LRRC38: variants seen among roughly 807,000 people sequenced by gnomAD.
LRRC38 encodes leucine rich repeat containing 38.
A neutral mutation model predicts 16.4 loss-of-function variants in LRRC38; 5 were observed. The observed-to-expected ratio is 0.31, with a 90% CI of 0.16 to 0.64. The LOEUF is 0.64. LRRC38 is among the 30% of genes least tolerant of loss of function. The pLI is 0.80. For synonymous variants in LRRC38, 191 were observed against 190.2 expected, an observed-to-expected ratio of 1.00 and a Z score of -0.04; for missense variants, 341 against 401.8, an observed-to-expected ratio of 0.85 and a Z score of 1.29.
At position 13,488,032 on chromosome 1, in the gene LRRC38, TTGTGTG is replaced by T. The variant is rs71570140; in HGVS notation, c.632-11939_632-11934del. On this transcript the variant is annotated intron_variant, in intron 1 of 1. Transcript: ENST00000376085. Reference sequence around the variant, plus strand: ...TATACCTTTTCTAGATTGTGTGTGTTTGTGTGTGTGTGTGTGTGTGTGTGTGTGTGT... The same window carrying T: ...TATACCTTTTCTAGATTGTGTGTGTTTGTGTGTGTGTGTGTGTGTGTGTGT... Among the ~76,000 whole-genome samples the T allele has an allele frequency of 3.1e-3, 459 of 147,194 alleles. 5 individuals are homozygous for T. Among genetic ancestry groups the T allele is most frequent in the East Asian group, 0.018 (88 of 4,952 alleles).
chr1:13,513,448 C>T lies in LRRC38; in HGVS notation c.146G>A (p.Ser49Asn). ...TVDCRDRGLP[S>N]VPDPFPLDVR... is the part of the protein sequence containing the mutation. ...GTCCAGGGGGAAAGGGTCTGGCACG[C>T]TGGGCAGCCCGCGGTCGCGGCAGTC... is the stretch of plus-strand genomic sequence containing the variant. Residue 49 changes from serine to asparagine, a missense_variant, in exon 1 of 2, where the codon AGC (serine) becomes AAC (asparagine). Ser to Asn is a conservative substitution (Grantham distance 46). Transcript: ENST00000376085. 1.3e-6 allele frequency: 2 copies of T among 1,548,384 alleles called. No homozygotes were observed. The highest frequency in any genetic ancestry group is 1.7e-6 in the Non-Finnish European group (2 of 1,145,508).
rs546140903 is a variant in LRRC38, at chr1:13,496,473, C to G, written c.631+16490G>C. Reference sequence around the variant, plus strand: ...AGGCTGAGCCACCTTGCTCAGCCCCCTTCTGTCTTTACTGCATTTATCTCT... The same window carrying G: ...AGGCTGAGCCACCTTGCTCAGCCCCGTTCTGTCTTTACTGCATTTATCTCT... On this transcript the variant is annotated intron_variant, in intron 1 of 1. Coordinates refer to ENST00000376085, the MANE Select transcript of LRRC38 (RefSeq NM_001010847.2). Among the ~76,000 whole-genome samples, 6 of 152,188 alleles carry G rather than the reference C, an allele frequency of 3.9e-5. No homozygotes were observed. In the East Asian group the frequency reaches 7.7e-4, roughly 20 times the overall value.
At chr1:13,497,447 C>A (rs1005935650) in intron 1 of LRRC38, among the ~76,000 whole-genome samples, 5 of 151,972 alleles carry the variant, frequency 3.3e-5, no homozygotes, top group African/African-American at 1.2e-4. Flanking sequence ...CTGAGAGACT[C>A]TAGTTTCTGA....
rs111497539 is a variant in LRRC38, at chr1:13,481,391, T to A, written c.632-5292A>T. Among the ~76,000 whole-genome samples, 521 of 133,860 alleles carry A rather than the reference T, an allele frequency of 3.9e-3. 6 individuals carry two copies. Among genetic ancestry groups the A allele is most frequent in the African/African-American group, 0.012 (459 of 37,442 alleles). 87.8% of individuals were successfully genotyped at this position (133,860 alleles called of 152,430 possible). Reference sequence around the variant, plus strand: ...GTGTTCTTATGTTTTTTTTATTTTTTTTTTTTTGTTCTTTTTTTGAGATGG... The same window carrying A: ...GTGTTCTTATGTTTTTTTTATTTTTATTTTTTTGTTCTTTTTTTGAGATGG... On this transcript the variant is annotated intron_variant, in intron 1 of 1. Coordinates refer to ENST00000376085, the MANE Select transcript of LRRC38 (RefSeq NM_001010847.2).
At chr1:13,490,402 G>A (rs532475817) in intron 1 of LRRC38, among the ~76,000 whole-genome samples, 4 of 152,066 alleles carry the variant, frequency 2.6e-5, no homozygotes, top group South Asian at 2.1e-4. Context: ...CAAGTGATCC[G>A]CCTGCCTCAG....
chr1:13,507,798 C>T (rs998563663), intron 1 of LRRC38, among the ~76,000 whole-genome samples: 3 of 151,994 alleles, frequency 2.0e-5, no homozygotes, highest in Non-Finnish European at 4.4e-5. Flanking sequence ...CACCACTGCA[C>T]TCCAGCCTGG....
chr1:13,489,375 G>A (rs1164873863), intron 1 of LRRC38, among the ~76,000 whole-genome samples: 1 of 152,168 alleles, frequency 6.6e-6, no homozygotes. Context: ...GCCAGCCTTG[G>A]TTTCACAGCA....
rs1261977506 is a variant in LRRC38 at position 13,475,675 on chromosome 1, C to G, written c.*171G>C. 5.2e-6 allele frequency: 4 copies of G among 775,378 alleles called. No individual in the cohort carries two copies. The highest frequency in any genetic ancestry group is 8.0e-6 in the Non-Finnish European group (4 of 498,432). The allele number at this position is 775,378 out of a possible 1,614,324, so 48.0% of individuals were successfully genotyped here. On this transcript the variant is annotated 3_prime_UTR_variant, in exon 2 of 2. Transcript: ENST00000376085. This position sits in a 1 kb window ranked among gnomAD's most constrained non-coding sequence, Gnocchi z 4.3. ...GCTTCTGTGCTCTGCTGATTCTAAA[C>G]TCTGAGATCAGTGGTCCCAGCAGGT... is the stretch of plus-strand genomic sequence containing the variant.
intron 1 of LRRC38, among the ~76,000 whole-genome samples, chr1:13,500,477 T>C (rs1639135199): frequency 1.3e-5 from 2 of 152,170 alleles, no homozygotes; most frequent in South Asian, 4.1e-4. Flanking sequence ...AAATGGTGCA[T>C]TCAGCAACAG....
At chr1:13,493,770 A>G (rs1478026955) in intron 1 of LRRC38, among the ~76,000 whole-genome samples, 1 of 152,158 alleles carries the variant, frequency 6.6e-6, no homozygotes, top group African/African-American at 2.4e-5. Context: ...TTTAGCCTCT[A>G]AGACACACTT....
At chr1:13,505,090 A>C (rs1339190164) in intron 1 of LRRC38, among the ~76,000 whole-genome samples, 2 of 152,138 alleles carry the variant, frequency 1.3e-5, no homozygotes, top group Non-Finnish European at 2.9e-5. Flanking sequence ...GTTTCTGTGA[A>C]TTGATAAGCA....
Position 13,509,057 on chromosome 1 carries a change from G to A in LRRC38, c.631+3906C>T, listed in dbSNP as rs922558456. On this transcript the variant is annotated intron_variant, in intron 1 of 1. Coordinates refer to ENST00000376085, the MANE Select transcript of LRRC38 (RefSeq NM_001010847.2). ...CCCCGAATGCTCAGATGCTCCAGACGCTCTTTAGTGGATCTTTTCTGGGAA... is the reference window on the plus strand; with the variant it reads ...CCCCGAATGCTCAGATGCTCCAGACACTCTTTAGTGGATCTTTTCTGGGAA... 3.0e-4 allele frequency among the ~76,000 whole-genome samples: 45 copies of A among 152,136 alleles called. 1 individual carries two copies. Among genetic ancestry groups the A allele is most frequent in the Admixed American group, 2.6e-4 (4 of 15,280 alleles).
chr1:13,491,928 G>A (rs1182002068), intron 1 of LRRC38, among the ~76,000 whole-genome samples: 2 of 152,060 alleles, frequency 1.3e-5, no homozygotes, highest in Admixed American at 6.6e-5. Context: ...CACCTGCCTC[G>A]GCCTCCTAAA....
intron 1 of LRRC38, among the ~76,000 whole-genome samples, chr1:13,481,398 T>TTG (rs869188152): frequency 0.23 from 33,939 of 149,462 alleles, 3,912 homozygotes; most frequent in South Asian, 0.32. Context: ...TTTTTTTTTT[T>TTG]GTTCTTTTTT....
At chr1:13,492,880 G>C (rs535927466) in intron 1 of LRRC38, among the ~76,000 whole-genome samples, 73 of 152,222 alleles carry the variant, frequency 4.8e-4, no homozygotes, top group African/African-American at 1.7e-3. Flanking sequence ...TAAAAGATGT[G>C]ACGCATCTCT....
rs376038887 is a variant in LRRC38 at position 13,495,052 on chromosome 1, A to G, written c.631+17911T>C. Reference sequence around the variant, plus strand: ...AGCCTAAAGCAGGAGCCATGGACACAAGGGGGTGGGGATAGATATGATATG... The same window carrying G: ...AGCCTAAAGCAGGAGCCATGGACACGAGGGGGTGGGGATAGATATGATATG... On this transcript the variant is annotated intron_variant, in intron 1 of 1. Coordinates refer to ENST00000376085, the MANE Select transcript of LRRC38 (RefSeq NM_001010847.2). Among the ~76,000 whole-genome samples the G allele has an allele frequency of 4.3e-4, 66 of 152,334 alleles. 1 individual carries two copies. The highest frequency in any genetic ancestry group is 1.6e-3 in the African/African-American group (65 of 41,588).
At chr1:13,485,285 A>AAAAAAAAAAAAAAAAC (rs1553134928) in intron 1 of LRRC38, among the ~76,000 whole-genome samples, 2 of 149,122 alleles carry the variant, frequency 1.3e-5, no homozygotes, top group African/African-American at 5.0e-5. Flanking sequence ...CTTAAAAAAA[A>AAAAAAAAAAAAAAAAC]AAAAAAAAAC....
At chr1:13,490,744 G>T (rs1557498935) in intron 1 of LRRC38, among the ~76,000 whole-genome samples, 1 of 152,204 alleles carries the variant, frequency 6.6e-6, no homozygotes, top group African/African-American at 2.4e-5. Flanking sequence ...TGGTCCATGA[G>T]TCTGGTACCT....
intron 1 of LRRC38, among the ~76,000 whole-genome samples, chr1:13,497,193 G>A (rs1269433455): frequency 1.3e-5 from 2 of 152,170 alleles, no homozygotes; most frequent in Non-Finnish European, 2.9e-5. Flanking sequence ...CCCCTGGAGA[G>A]CTCTGAGCCG....
Sources: gnomAD v4.1 joint callset for allele counts (sites outside exome capture counted in the v4.1 genomes callset) on GRCh38, gnomAD v4.1.1 for gene constraint, Gnocchi (gnomAD v3.1) non-coding constraint, MANE v1.5 for transcripts, NCBI Gene and HGNC (gene_info 2026-07-23, HGNC 2026-07-21) for gene names.